PTCHD4: variants seen among roughly 807,000 people sequenced by gnomAD.
The protein encoded by PTCHD4 is patched domain containing 4.
A neutral mutation model predicts 58.1 loss-of-function variants in PTCHD4; 33 were observed. The observed-to-expected ratio is 0.57, with a 90% CI of 0.43 to 0.76. The LOEUF is 0.76. Among genes scored for constraint, PTCHD4 ranks in the 30% least tolerant of loss-of-function variants. The probability of loss-of-function intolerance (pLI) is 0.00; values close to 1 mark genes in which losing one functional copy is unlikely to be tolerated. For missense variants in PTCHD4, 1,058 were observed against 1,027.1 expected (o/e 1.03, Z -0.41); for synonymous variants, 478 against 409.6 (o/e 1.17, Z -2.02).
intron 1 of PTCHD4, among the ~76,000 whole-genome samples, chr6:48,105,698 G>C (rs527942096): frequency 1.3e-5 from 2 of 152,012 alleles, no homozygotes; most frequent in Non-Finnish European, 2.9e-5. Flanking sequence ...TTGATAGACC[G>C]CTAGCAAGAC....
Position 47,874,488 on chromosome 6 carries a change from A to AT in PTCHD4, c.*3814dup, listed in dbSNP as rs754026352. ...TGATATTTACAGTCAACTTATAAAA[A>AT]TACATGTAATTCTGAATGGCAATAG... On this transcript the variant is annotated 3_prime_UTR_variant, in exon 5 of 5. Transcript: ENST00000339488. 2.2e-4 allele frequency among the ~76,000 whole-genome samples: 33 copies of AT among 151,752 alleles called. No homozygotes were observed. The highest frequency in any genetic ancestry group is 7.4e-5 in the Non-Finnish European group (5 of 67,798).
intron 4 of PTCHD4, among the ~76,000 whole-genome samples, chr6:47,997,392 T>A (rs1179273860): frequency 6.6e-6 from 1 of 152,188 alleles, no homozygotes; most frequent in Non-Finnish European, 1.5e-5. Flanking sequence ...TTATGTCACC[T>A]CAAATACTGT....
At chr6:48,094,932 T>A (rs1486129616) in intron 1 of PTCHD4, among the ~76,000 whole-genome samples, 1 of 152,178 alleles carries the variant, frequency 6.6e-6, no homozygotes, top group Non-Finnish European at 1.5e-5. Flanking sequence ...ATTCTACTTA[T>A]GTAAAACTCT....
At chr6:48,047,612 C>T (rs932895282) in intron 3 of PTCHD4, among the ~76,000 whole-genome samples, 1 of 151,748 alleles carries the variant, frequency 6.6e-6, no homozygotes, top group African/African-American at 2.4e-5. Context: ...ATATTGAGAT[C>T]CTAATCCCCA....
chr6:47,925,720 G>A (rs2113894928), intron 4 of PTCHD4, among the ~76,000 whole-genome samples: 1 of 152,270 alleles, frequency 6.6e-6, no homozygotes, highest in African/African-American at 2.4e-5. Context: ...GTTATTCTTT[G>A]CTTCCCAATA....
intron 3 of PTCHD4, among the ~76,000 whole-genome samples, chr6:48,027,065 T>G (rs1763272723): frequency 6.6e-6 from 1 of 152,124 alleles, no homozygotes; most frequent in South Asian, 2.1e-4. Context: ...GCGATAAGAT[T>G]TTTGTTTACA....
intron 4 of PTCHD4, among the ~76,000 whole-genome samples, chr6:47,974,598 T>C (rs974009777): frequency 1.1e-4 from 17 of 152,198 alleles, no homozygotes; most frequent in African/African-American, 4.1e-4. Context: ...GAATTCCTCC[T>C]GTCCCAACAA....
intron 4 of PTCHD4, among the ~76,000 whole-genome samples, chr6:47,983,813 T>C (rs1036314585): frequency 2.0e-5 from 3 of 152,208 alleles, no homozygotes; most frequent in African/African-American, 7.2e-5. Context: ...TAAAACAGGA[T>C]AATTCTAGAT....
chr6:48,003,786 A>T (rs1212682818), intron 4 of PTCHD4, among the ~76,000 whole-genome samples: 1 of 152,076 alleles, frequency 6.6e-6, no homozygotes, highest in Non-Finnish European at 1.5e-5. Flanking sequence ...TAACACTCAT[A>T]CTCAGATCAG....
At chr6:47,905,254 A>G (rs141003720) in intron 4 of PTCHD4, among the ~76,000 whole-genome samples, 1 of 152,300 alleles carries the variant, frequency 6.6e-6, no homozygotes, top group Admixed American at 6.5e-5. Flanking sequence ...GGTAGATTTT[A>G]CCTTTTATAT....
chr6:48,062,558 G>A (rs1764666960), intron 3 of PTCHD4, among the ~76,000 whole-genome samples: 1 of 151,994 alleles, frequency 6.6e-6, no homozygotes, highest in African/African-American at 2.4e-5. Flanking sequence ...ATTTAAATCT[G>A]GTTTTAAGGC....
At chr6:47,895,112 G>A (rs1764493991) in intron 4 of PTCHD4, among the ~76,000 whole-genome samples, 1 of 151,362 alleles carries the variant, frequency 6.6e-6, no homozygotes, top group Non-Finnish European at 1.5e-5. Context: ...TCCAGCCTCG[G>A]CGACAGAGTG....
chr6:47,910,971 C>T (rs1459561428), intron 4 of PTCHD4, among the ~76,000 whole-genome samples: 1 of 152,124 alleles, frequency 6.6e-6, no homozygotes, highest in Non-Finnish European at 1.5e-5. Flanking sequence ...TAGTGAAGCT[C>T]ATGACCTAAT....
At position 48,068,670 on chromosome 6, in the gene PTCHD4, C is replaced by A; in HGVS notation, c.6-29G>T. 1.3e-6 allele frequency: 2 copies of A among 1,519,502 alleles called. No individual in the cohort carries two copies. The highest frequency in any genetic ancestry group is 8.8e-7 in the Non-Finnish European group (1 of 1,138,214). The allele number at this position is 1,519,502 out of a possible 1,614,324, so 94.1% of individuals were successfully genotyped here. On this transcript the variant is annotated intron_variant, in intron 2 of 4. Transcript: ENST00000339488. The surrounding 1 kb of genome is among the most constrained non-coding windows in gnomAD (Gnocchi z 4.2). The stretch of plus-strand genomic sequence containing the variant: ...AAAAAGCACATGTGACATGTGTAAG[C>A]GCCGGGCTACCCCGTTCTCCCCCAT...
At chr6:48,106,536 T>G (rs1050581551) in intron 1 of PTCHD4, among the ~76,000 whole-genome samples, 1 of 152,146 alleles carries the variant, frequency 6.6e-6, no homozygotes, top group African/African-American at 2.4e-5. Flanking sequence ...CTTTGAAAAC[T>G]GGCACAAGAC....
At chr6:48,027,053 A>C (rs1763271937) in intron 3 of PTCHD4, among the ~76,000 whole-genome samples, 1 of 152,090 alleles carries the variant, frequency 6.6e-6, no homozygotes, top group Non-Finnish European at 1.5e-5. Context: ...TTTTGAATGA[A>C]AGCGATAAGA....
chr6:48,054,395 T>C (rs1764338897), intron 3 of PTCHD4, among the ~76,000 whole-genome samples: 1 of 152,204 alleles, frequency 6.6e-6, no homozygotes. Flanking sequence ...CTGGAACTTG[T>C]TGACCTATAT....
chr6:48,023,337 C>T (rs1325704), intron 3 of PTCHD4, among the ~76,000 whole-genome samples: 88,135 of 151,922 alleles, frequency 0.58, 25,720 homozygotes, highest in East Asian at 0.74. Context: ...CCGGATAACC[C>T]CAAAAGGTTT....
At chr6:48,100,977 T>TA (rs538459787) in intron 1 of PTCHD4, among the ~76,000 whole-genome samples, 316 of 151,704 alleles carry the variant, frequency 2.1e-3, no homozygotes, top group African/African-American at 6.5e-3. Context: ...TAAAAATACA[T>TA]AAAAAGTAAT....
Sources: gnomAD v4.1 joint callset for allele counts (sites outside exome capture counted in the v4.1 genomes callset) on GRCh38, gnomAD v4.1.1 for gene constraint, Gnocchi (gnomAD v3.1) non-coding constraint, MANE v1.5 for transcripts, NCBI Gene and HGNC (gene_info 2026-07-23, HGNC 2026-07-21) for gene names.